LRP4: variants seen among roughly 807,000 people sequenced by gnomAD.
LRP4 encodes the protein LDL receptor related protein 4.
Under a neutral mutation model 220.3 loss-of-function variants are expected in LRP4, and 95 were observed. The ratio of observed to expected loss-of-function variants is 0.43; its 90% CI spans 0.37 to 0.51. LRP4 has a LOEUF of 0.51. LRP4 is among the 20% of genes least tolerant of loss of function. The probability of loss-of-function intolerance (pLI) is 0.00; values close to 1 mark genes in which losing one functional copy is unlikely to be tolerated. For missense variants in LRP4, 1,925 were observed against 2,567.0 expected (o/e 0.75, Z 5.40); for synonymous variants, 903 against 954.6 (o/e 0.95, Z 1.00).
intron 22 of LRP4, among the ~76,000 whole-genome samples, chr11:46,877,954 AAG>A (rs1941059582): frequency 6.6e-6 from 1 of 152,210 alleles, no homozygotes; most frequent in African/African-American, 2.4e-5. Context: ...AAGATTAAGA[AAG>A]AGAAAAAAAG....
chr11:46,903,302 T>C (rs537358795), intron 1 of LRP4, among the ~76,000 whole-genome samples: 2 of 152,286 alleles, frequency 1.3e-5, no homozygotes, highest in South Asian at 4.1e-4. Context: ...AAGACCATCG[T>C]GGGCAACATA....
chr11:46,869,525 G>A (rs1272890302), intron 31 of LRP4, among the ~76,000 whole-genome samples: 3 of 152,178 alleles, frequency 2.0e-5, no homozygotes, highest in Non-Finnish European at 4.4e-5. Flanking sequence ...GCAAATAGGA[G>A]GAAATTTGAA....
chr11:46,869,398 TG>T (rs2134778923), intron 31 of LRP4, among the ~76,000 whole-genome samples: 1 of 152,356 alleles, frequency 6.6e-6, no homozygotes, highest in South Asian at 2.1e-4. Context: ...ATTTGTTTAC[TG>T]GTCTGTCCAT....
In LRP4 at chr11:46,879,148, G is replaced by C. The variant is rs1941091631; in HGVS notation, c.2982C>G (p.Val994=). Reference sequence around the variant, plus strand: ...CACCTGGGGGCCGGCGGCGGTGGAAGACATGGATGTCCATTAGGTTTTCCA... The same window carrying C: ...CACCTGGGGGCCGGCGGCGGTGGAACACATGGATGTCCATTAGGTTTTCCA... ...ENLENLMDIH[V]FHRRRPPVST... is the part of the protein sequence containing the mutation. Residue 994 remains valine, a synonymous_variant, in exon 21 of 38, where the codon GTC becomes GTG. Transcript: ENST00000378623. 6.2e-7 allele frequency: 1 copy of C among 1,614,140 alleles called. No individual in the cohort carries two copies. The highest frequency in any genetic ancestry group is 1.3e-5 in the African/African-American group (1 of 74,936).
chr11:46,869,126 T>A lies in LRP4; in HGVS notation c.4699A>T (p.Arg1567Trp), dbSNP rs199747378. 3.4e-4 allele frequency: 544 copies of A among 1,614,004 alleles called. No homozygotes were observed. The highest frequency in any genetic ancestry group is 1.1e-3 in the Admixed American group (66 of 59,984). Residue 1567 changes from arginine (R) to tryptophan (W), a missense_variant, in exon 32 of 38, where the codon AGG (arginine) becomes TGG (tryptophan). Coordinates refer to ENST00000378623, the MANE Select transcript of LRP4 (RefSeq NM_002334.4). ...SHPFALTQQD[R>W]WIYWTDWQTK... is the part of the protein sequence containing the mutation. ...TGCCAGTCTGTCCAGTAGATCCACCTGTCTTGCTACTCAACAGGGGAAGCC... is the reference window on the plus strand; with the variant it reads ...TGCCAGTCTGTCCAGTAGATCCACCAGTCTTGCTACTCAACAGGGGAAGCC...
At chr11:46,906,293 TAA>T (rs1360035713) in intron 1 of LRP4, among the ~76,000 whole-genome samples, 1 of 152,020 alleles carries the variant, frequency 6.6e-6, no homozygotes, top group East Asian at 1.9e-4. Flanking sequence ...CTGTCTCTAC[TAA>T]AAATACAAAA....
At chr11:46,870,798 T>C (rs937861171) in intron 31 of LRP4, among the ~76,000 whole-genome samples, 2 of 152,222 alleles carry the variant, frequency 1.3e-5, no homozygotes, top group Admixed American at 6.5e-5. Flanking sequence ...AATTATTTTT[T>C]GTGTTAGAAC....
rs747021035 is a variant in LRP4, at chr11:46,859,018, GTTTCC to G, written c.5678_5682del (p.Trp1893SerfsTer2). 6.2e-7 allele frequency: 1 copy of G among 1,614,160 alleles called. No homozygotes were observed. Among genetic ancestry groups the G allele is most frequent in the East Asian group, 2.2e-5 (1 of 44,884 alleles). ...CTCTCTGAGGAGAGCTTGCGTTCATGTTTCCAGCCCGTGTCTGGCAGAGAGCCTCG... is the reference window on the plus strand; with the variant it reads ...CTCTCTGAGGAGAGCTTGCGTTCATGAGCCCGTGTCTGGCAGAGAGCCTCG... On this transcript the variant is annotated frameshift_variant, in exon 38 of 38. Transcript: ENST00000378623. LOFTEE classifies it high-confidence loss of function.
intron 20 of LRP4, among the ~76,000 whole-genome samples, chr11:46,881,369 A>G (rs1365125726): frequency 6.6e-6 from 1 of 152,208 alleles, no homozygotes. Flanking sequence ...AAAGAGATGA[A>G]TCACAGGCCC....
At chr11:46,861,523 C>CTTTTTTT (rs576719115) in intron 37 of LRP4, among the ~76,000 whole-genome samples, 4,056 of 83,244 alleles carry the variant, frequency 0.049, 708 homozygotes, top group Non-Finnish European at 0.057. Context: ...GGAAATGGGA[C>CTTTTTTT]TTTTTTTTTT....
intron 21 of LRP4, 42 bp downstream of exon 21, chr11:46,879,084 G>C (rs775447445): frequency 1.7e-5 from 27 of 1,614,072 alleles, no homozygotes; most frequent in African/African-American, 4.0e-5. Context: ...CTAGGGCATA[G>C]GAGGGCCACG....
chr11:46,882,051 A>C, intron 19 of LRP4, 148 bp from the exon 20 acceptor site: 1 of 749,560 alleles, frequency 1.3e-6, no homozygotes, highest in East Asian at 2.7e-5. Context: ...CTCTGGGCTC[A>C]GCACTATCTC....
In LRP4 at chr11:46,898,941, G is replaced by GTCGCCA; in HGVS notation, c.633_638dup (p.Gly212_Asp213dup). The GTCGCCA allele has an allele frequency of 6.2e-7, 1 of 1,613,830 alleles. No homozygotes were observed. The highest frequency in any genetic ancestry group is 8.5e-7 in the Non-Finnish European group (1 of 1,179,988). On this transcript the variant is annotated inframe_insertion, in exon 6 of 38. Coordinates refer to ENST00000378623, the MANE Select transcript of LRP4 (RefSeq NM_002334.4). ...CGTCTGACCAGTCTCCACAGTCATC[G>GTCGCCA]TCGCCATCGCAGTGGTAGATGTCGA...
chr11:46,895,768 T>C (rs977642819), intron 10 of LRP4, 116 bp downstream of exon 10: 1 of 1,416,494 alleles, frequency 7.1e-7, no homozygotes. Context: ...CTAGGGTTAT[T>C]GTGAGGACGA....
Position 46,862,617 on chromosome 11 carries a change from A to T in LRP4, c.5374T>A (p.Tyr1792Asn). Reference sequence around the variant, plus strand: ...ATTTCAATTTTTACCTCTTTCTTATAGCACAGCTGGTTGTACATGGCTGGT... The same window carrying T: ...ATTTCAATTTTTACCTCTTTCTTATTGCACAGCTGGTTGTACATGGCTGGT... ...PKPAMYNQLC[Y>N]KKEGGPDHNY... The change falls in exon 37 of 38, where the codon TAT (tyrosine) becomes AAT (asparagine). Residue 1792 changes from tyrosine (Y) to asparagine (N), a missense_variant. Physicochemically the swap from Tyr to Asn is moderately radical, Grantham distance 143. Coordinates refer to ENST00000378623, the MANE Select transcript of LRP4 (RefSeq NM_002334.4). The T allele has an allele frequency of 6.2e-7, 1 of 1,614,128 alleles. No homozygotes were observed. The highest frequency in any genetic ancestry group is 8.5e-7 in the Non-Finnish European group (1 of 1,180,010).
chr11:46,899,910 T>C lies in LRP4; in HGVS notation c.383A>G (p.His128Arg). The C allele has an allele frequency of 6.2e-7, 1 of 1,613,958 alleles. No individual in the cohort carries two copies. Among genetic ancestry groups the C allele is most frequent in the African/African-American group, 1.3e-5 (1 of 75,056 alleles). ...GCCACAGTCATTGTCACCATCGCAG[T>C]GCCACAGACTCCGGATGCAGTAGCC... ...QNGYCIRSLWHCDGDNDCGDN... is the reference protein window; with the variant it reads ...QNGYCIRSLWRCDGDNDCGDN... Residue 128 changes from histidine (H) to arginine (R), a missense_variant, in exon 4 of 38, where the codon CAC (histidine) becomes CGC (arginine). By Grantham distance (29) the His-to-Arg change is conservative. Coordinates refer to ENST00000378623, the MANE Select transcript of LRP4 (RefSeq NM_002334.4). This position sits in a 1 kb window ranked among gnomAD's most constrained non-coding sequence, Gnocchi z 5.9.
intron 20 of LRP4, among the ~76,000 whole-genome samples, 176 bp from the exon 21 acceptor site, chr11:46,879,491 T>C (rs1941099499): frequency 6.6e-6 from 1 of 152,250 alleles, no homozygotes; most frequent in South Asian, 2.1e-4. Flanking sequence ...TGTGACTTGA[T>C]CATGCCTGGC....
chr11:46,898,558 T>G lies in LRP4; in HGVS notation c.796A>C (p.Thr266Pro). ...CDDQSDERNCTTSMCTAEQFR... is the reference protein window; with the variant it reads ...CDDQSDERNCPTSMCTAEQFR... The stretch of plus-strand genomic sequence containing the variant: ...AACCTAATTCCATTTCCCCACTCAC[T>G]GCAGTTGCGCTCATCAGACTGGTCA... Residue 266 changes from threonine to proline, a missense_variant and splice_region_variant, in exon 7 of 38, where the codon ACC (threonine) becomes CCC (proline). Around this residue, in one of 3 missense-constraint regions of LRP4, gnomAD observed 412 missense variants for 505.4 expected, o/e 0.82. Coordinates refer to ENST00000378623, the MANE Select transcript of LRP4 (RefSeq NM_002334.4). The G allele has an allele frequency of 6.2e-7, 1 of 1,614,112 alleles. No individual in the cohort carries two copies. Among genetic ancestry groups the G allele is most frequent in the Admixed American group, 1.7e-5 (1 of 60,024 alleles).
intron 20 of LRP4, 101 bp downstream of exon 20, chr11:46,881,601 T>C (rs763515162): frequency 1.8e-5 from 20 of 1,142,048 alleles, no homozygotes; most frequent in Non-Finnish European, 2.7e-5. Flanking sequence ...TCCCCTTATC[T>C]CCAATCAGCT....
Sources: allele counts gnomAD v4.1 joint callset (sites outside exome capture counted in the v4.1 genomes callset), GRCh38; gene constraint gnomAD v4.1.1; regional missense constraint gnomAD v4.1.1; non-coding constraint Gnocchi (gnomAD v3.1); transcripts MANE v1.5; gene names NCBI Gene and HGNC (gene_info 2026-07-23, HGNC 2026-07-21).